Variants in QKI observed in about 807,000 individuals in gnomAD.
The protein encoded by QKI is QKI, KH domain containing RNA binding.
Under a neutral mutation model 39.0 loss-of-function variants are expected in QKI, and 10 were observed. That is an observed-to-expected ratio of 0.26 (90% CI 0.16 to 0.43). QKI has a LOEUF of 0.43. QKI is among the 20% of genes least tolerant of loss of function. The pLI is 1.00. For missense variants in QKI, 218 were observed against 428.0 expected (o/e 0.51, Z 4.33); for synonymous variants, 204 against 155.4 (o/e 1.31, Z -2.33).
At chr6:163,530,537 A>G (rs1378557991) in intron 3 of QKI, among the ~76,000 whole-genome samples, 1 of 152,196 alleles carries the variant, frequency 6.6e-6, no homozygotes, top group African/African-American at 2.4e-5. Flanking sequence ...TAGTATTTGT[A>G]TTAAATAATT....
intron 2 of QKI, among the ~76,000 whole-genome samples, chr6:163,468,961 G>A (rs1374126835): frequency 2.0e-5 from 3 of 151,442 alleles, no homozygotes; most frequent in African/African-American, 7.3e-5. Flanking sequence ...GGATGACCTC[G>A]ACAATTTCAG....
At chr6:163,564,560 G>T in intron 6 of QKI, 1 of 1,582,330 alleles carries the variant, frequency 6.3e-7, no homozygotes. Flanking sequence ...ACTGAATTCA[G>T]AATCTCACTT....
At chr6:163,552,400 C>G (rs1782289773) in intron 4 of QKI, among the ~76,000 whole-genome samples, 1 of 151,974 alleles carries the variant, frequency 6.6e-6, no homozygotes, top group Non-Finnish European at 1.5e-5. Context: ...TGACTAGAGA[C>G]AGGGTTTCAC....
chr6:163,573,158 T>C lies in QKI; in HGVS notation c.*2448T>C, dbSNP rs1277049040. On this transcript the variant is annotated 3_prime_UTR_variant, in exon 8 of 8. Coordinates refer to ENST00000361752, the MANE Select transcript of QKI (RefSeq NM_006775.3). Reference sequence around the variant, plus strand: ...GGGAATGTTGGCTCTGAACAAACTTTTGAAAACTTGGTTGACAAAATTTTG... The same window carrying C: ...GGGAATGTTGGCTCTGAACAAACTTCTGAAAACTTGGTTGACAAAATTTTG... 1 of 152,158 alleles carries C rather than the reference T, an allele frequency of 6.6e-6. No homozygotes were observed. Among genetic ancestry groups the C allele is most frequent in the African/African-American group, 2.4e-5 (1 of 41,442 alleles). The allele number at this position is 152,158 out of a possible 1,614,324, so 9.4% of individuals were successfully genotyped here.
At chr6:163,565,604 T>C (rs1320951753) in intron 6 of QKI, 10 of 1,004,500 alleles carry the variant, frequency 1.0e-5, no homozygotes, top group Non-Finnish European at 9.5e-6. Flanking sequence ...GACCAAAATA[T>C]GCAGATTTCT....
chr6:163,558,294 G>A (rs746748732), intron 4 of QKI, among the ~76,000 whole-genome samples: 2 of 152,022 alleles, frequency 1.3e-5, no homozygotes, highest in Non-Finnish European at 2.9e-5. Flanking sequence ...AGGCAGGTAC[G>A]TACTACCAAA....
intron 1 of QKI, among the ~76,000 whole-genome samples, chr6:163,448,734 T>C (rs1271241821): frequency 6.6e-6 from 1 of 151,940 alleles, no homozygotes; most frequent in Admixed American, 6.6e-5. Context: ...TGAAACTCCA[T>C]CTCAAAAATA....
At chr6:163,456,089 A>G (rs192150654) in intron 2 of QKI, among the ~76,000 whole-genome samples, 6 of 152,236 alleles carry the variant, frequency 3.9e-5, no homozygotes, top group African/African-American at 7.2e-5. Flanking sequence ...AGTCAAGTCT[A>G]TTCCCAGTCT....
At chr6:163,444,143 C>T (rs1436969197) in intron 1 of QKI, among the ~76,000 whole-genome samples, 2 of 152,140 alleles carry the variant, frequency 1.3e-5, no homozygotes, top group Non-Finnish European at 1.5e-5. Context: ...GATAGTCTGG[C>T]CTGGAGTTCT....
intron 3 of QKI, among the ~76,000 whole-genome samples, chr6:163,490,690 G>T (rs1193375768): frequency 6.6e-6 from 1 of 152,060 alleles, no homozygotes; most frequent in Non-Finnish European, 1.5e-5. Flanking sequence ...ATTTCATTTT[G>T]AAAGCAGTGC....
At chr6:163,549,481 C>T (rs987998736) in intron 4 of QKI, among the ~76,000 whole-genome samples, 6 of 152,092 alleles carry the variant, frequency 3.9e-5, no homozygotes, top group African/African-American at 1.4e-4. Flanking sequence ...GAGGCTGAGG[C>T]GGGCGGATCT....
chr6:163,540,458 T>G (rs1781441798), intron 4 of QKI, among the ~76,000 whole-genome samples: 1 of 152,192 alleles, frequency 6.6e-6, no homozygotes, highest in Non-Finnish European at 1.5e-5. Context: ...ACTAAATGTT[T>G]AGTAAATCAG....
At chr6:163,538,888 C>G (rs986878159) in intron 4 of QKI, among the ~76,000 whole-genome samples, 1 of 152,060 alleles carries the variant, frequency 6.6e-6, no homozygotes, top group Non-Finnish European at 1.5e-5. Context: ...TTTATTTACA[C>G]TTTTACAAGA....
chr6:163,439,330 G>GTTTTTTTTT, intron 1 of QKI, among the ~76,000 whole-genome samples: 1 of 120,708 alleles, frequency 8.3e-6, no homozygotes, highest in Non-Finnish European at 1.7e-5. Flanking sequence ...ATCCTTCGTG[G>GTTTTTTTTT]TTTTTTTTTG....
Position 163,532,361 on chromosome 6 carries a change from G to A in QKI, c.403-2621G>A, listed in dbSNP as rs116526155. 2.9e-3 allele frequency among the ~76,000 whole-genome samples: 439 copies of A among 152,206 alleles called. 2 individuals carry two copies. Among genetic ancestry groups the A allele is most frequent in the African/African-American group, 9.7e-3 (403 of 41,538 alleles). On this transcript the variant is annotated intron_variant, in intron 3 of 7. Coordinates refer to ENST00000361752, the MANE Select transcript of QKI (RefSeq NM_006775.3). The stretch of plus-strand genomic sequence containing the variant: ...TAGATTGGTTTGAGTGAATTGATTG[G>A]GGGGGAGGTGGTCTCATGTATTGCA...
intron 1 of QKI, among the ~76,000 whole-genome samples, 169 bp downstream of exon 1, chr6:163,415,504 C>A (rs1378796471): frequency 6.7e-6 from 1 of 148,696 alleles, no homozygotes; most frequent in Non-Finnish European, 1.5e-5. Flanking sequence ...GGGCTTGCGG[C>A]GGGCGGGCGG....
At chr6:163,495,876 G>A (rs1778376094) in intron 3 of QKI, among the ~76,000 whole-genome samples, 1 of 152,146 alleles carries the variant, frequency 6.6e-6, no homozygotes, top group Admixed American at 6.5e-5. Context: ...CATTTTTGAT[G>A]TTGATAACTG....
intron 4 of QKI, among the ~76,000 whole-genome samples, chr6:163,539,490 G>A (rs554370462): frequency 2.6e-5 from 4 of 151,948 alleles, no homozygotes; most frequent in South Asian, 4.2e-4. Context: ...TGCAGTGATC[G>A]TGTCTTCCAC....
intron 3 of QKI, among the ~76,000 whole-genome samples, chr6:163,519,423 G>C (rs2128237197): frequency 6.6e-6 from 1 of 151,916 alleles, no homozygotes; most frequent in Admixed American, 6.6e-5. Flanking sequence ...TAAAAAGAGT[G>C]GGTGTGATGA....
Sources: allele counts gnomAD v4.1 joint callset (sites outside exome capture counted in the v4.1 genomes callset), GRCh38; gene constraint gnomAD v4.1.1; transcripts MANE v1.5; gene names NCBI Gene and HGNC (gene_info 2026-07-23, HGNC 2026-07-21).